ITPR1: variants seen among roughly 807,000 people sequenced by gnomAD.
ITPR1 encodes the protein inositol 1,4,5-trisphosphate-gated calcium channel ITPR1.
A neutral mutation model predicts 318.4 loss-of-function variants in ITPR1; 96 were observed. The observed-to-expected ratio is 0.30, with a 90% CI of 0.26 to 0.36. ITPR1 has a LOEUF of 0.36. Among genes scored for constraint, ITPR1 ranks in the 10% least tolerant of loss-of-function variants. The pLI is 1.00. For synonymous variants in ITPR1, 1,312 were observed against 1,289.9 expected, an observed-to-expected ratio of 1.02 and a Z score of -0.37; for missense variants, 2,440 against 3,460.2, an observed-to-expected ratio of 0.71 and a Z score of 7.40.
At chr3:4,815,952 C>A (rs1349462923) in intron 59 of ITPR1, among the ~76,000 whole-genome samples, 3 of 151,408 alleles carry the variant, frequency 2.0e-5, no homozygotes, top group South Asian at 4.2e-4. Flanking sequence ...ACCCAGAATC[C>A]CCAAATATTA....
At chr3:4,747,746 G>T (rs560812999) in intron 44 of ITPR1, among the ~76,000 whole-genome samples, 3 of 152,312 alleles carry the variant, frequency 2.0e-5, no homozygotes, top group African/African-American at 4.8e-5. Flanking sequence ...CAGGTCTTAG[G>T]AAAGTTAATG....
chr3:4,596,939 T>C (rs73104421), intron 4 of ITPR1, among the ~76,000 whole-genome samples: 2,538 of 152,330 alleles, frequency 0.017, 63 homozygotes, highest in African/African-American at 0.058. Flanking sequence ...TGTGTTGATA[T>C]GTTACCAGGG....
At position 4,568,637 on chromosome 3, in the gene ITPR1, G is replaced by T. The variant is rs543704685; in HGVS notation, c.163+47543G>T. ...GGTAGACAGAGGCACTCCAGCAAAGGTAACGCAGCCTGCAAAATCAAGGAG... is the reference window on the plus strand; with the variant it reads ...GGTAGACAGAGGCACTCCAGCAAAGTTAACGCAGCCTGCAAAATCAAGGAG... On this transcript the variant is annotated intron_variant, in intron 4 of 61. Transcript: ENST00000649015. 2.3e-4 allele frequency among the ~76,000 whole-genome samples: 35 copies of T among 152,248 alleles called. 1 individual carries two copies. In the South Asian group the frequency reaches 6.8e-3, roughly 30 times the overall value.
At chr3:4,537,906 G>T in intron 4 of ITPR1, among the ~76,000 whole-genome samples, 1 of 152,150 alleles carries the variant, frequency 6.6e-6, no homozygotes, top group South Asian at 2.1e-4. Flanking sequence ...TTATTTGTGC[G>T]TTCTTTTTTT....
chr3:4,716,030 A>T (rs1402123475), intron 39 of ITPR1, among the ~76,000 whole-genome samples: 3 of 152,218 alleles, frequency 2.0e-5, no homozygotes, highest in African/African-American at 7.2e-5. Context: ...TATAAAATAA[A>T]TATTAAAATT....
intron 4 of ITPR1, among the ~76,000 whole-genome samples, chr3:4,589,933 T>A (rs539724646): frequency 6.6e-6 from 1 of 152,172 alleles, no homozygotes; most frequent in African/African-American, 2.4e-5. Context: ...CTCCTGGTTC[T>A]TTCAGCTCTA....
intron 41 of ITPR1, 102 bp downstream of exon 41, chr3:4,725,683 C>A: frequency 9.6e-7 from 1 of 1,041,122 alleles, no homozygotes; most frequent in Non-Finnish European, 1.5e-6. Flanking sequence ...AAAGTCTCTC[C>A]CGGTGGTAGA....
chr3:4,804,967 G>A (rs1355731284), intron 54 of ITPR1, among the ~76,000 whole-genome samples: 3 of 152,092 alleles, frequency 2.0e-5, no homozygotes, highest in African/African-American at 7.2e-5. Flanking sequence ...TCCCTCTCTG[G>A]CCTCCTCCTG....
intron 4 of ITPR1, among the ~76,000 whole-genome samples, chr3:4,559,468 A>C (rs555117562): frequency 1.8e-4 from 28 of 152,304 alleles, no homozygotes; most frequent in Non-Finnish European, 3.8e-4. Context: ...TTTTATAAAA[A>C]CTTGTTTTTA....
chr3:4,573,531 A>T (rs1002018872), intron 4 of ITPR1, among the ~76,000 whole-genome samples: 3 of 152,198 alleles, frequency 2.0e-5, no homozygotes, highest in Non-Finnish European at 4.4e-5. Flanking sequence ...AAAACTTTCT[A>T]ATGACTCCCA....
At chr3:4,614,545 A>T (rs566229087) in intron 4 of ITPR1, among the ~76,000 whole-genome samples, 1 of 152,334 alleles carries the variant, frequency 6.6e-6, no homozygotes, top group East Asian at 1.9e-4. Flanking sequence ...ACTTATAGAG[A>T]TTAGATAATT....
chr3:4,644,569 A>AT (rs2093412665), intron 8 of ITPR1, among the ~76,000 whole-genome samples: 1 of 152,198 alleles, frequency 6.6e-6, no homozygotes, highest in Non-Finnish European at 1.5e-5. Flanking sequence ...ATTTGTCTCC[A>AT]TATACAGGGT....
Position 4,627,750 on chromosome 3 carries a change from G to A in ITPR1, c.164-13G>A, listed in dbSNP as rs1398942748. 1.9e-5 allele frequency: 29 copies of A among 1,560,628 alleles called. No homozygotes were observed. The highest frequency in any genetic ancestry group is 2.6e-5 in the Non-Finnish European group (29 of 1,132,618). On this transcript the variant is annotated splice_polypyrimidine_tract_variant and intron_variant, in intron 4 of 61. Coordinates refer to ENST00000649015, the MANE Select transcript of ITPR1 (RefSeq NM_001378452.1). The stretch of plus-strand genomic sequence containing the variant: ...CCTCAATGGCAATTTCTGTTTGTTT[G>A]CTTCACTTCTAGACTGCCTCTTTAA...
intron 44 of ITPR1, among the ~76,000 whole-genome samples, chr3:4,739,094 G>A (rs1345299244): frequency 6.6e-6 from 1 of 152,252 alleles, no homozygotes; most frequent in African/African-American, 2.4e-5. Context: ...AACTAGGGTT[G>A]TGTCTGGGGC....
intron 4 of ITPR1, among the ~76,000 whole-genome samples, chr3:4,603,224 ATTTC>A (rs1414575292): frequency 1.8e-4 from 27 of 151,866 alleles, no homozygotes; most frequent in African/African-American, 6.3e-4. Flanking sequence ...TTTTAAAATT[ATTTC>A]TTTATTTTTA....
chr3:4,840,029 CTTTTTTTTTTTTTTTT>C (rs56096727), intron 61 of ITPR1, among the ~76,000 whole-genome samples: 175 of 104,894 alleles, frequency 1.7e-3, no homozygotes, highest in Middle Eastern at 0.012. Context: ...AGCATAGCTG[CTTTTTTTTTTTTTTTT>C]TTTTTTTTTT....
chr3:4,599,586 C>A (rs59047120), intron 4 of ITPR1, among the ~76,000 whole-genome samples: 1 of 152,180 alleles, frequency 6.6e-6, no homozygotes, highest in Non-Finnish European at 1.5e-5. Flanking sequence ...TGAGTGATGG[C>A]TGTAGGCAGT....
chr3:4,646,382 G>C (rs928466627), intron 10 of ITPR1, among the ~76,000 whole-genome samples: 1 of 152,244 alleles, frequency 6.6e-6, no homozygotes, highest in Non-Finnish European at 1.5e-5. Flanking sequence ...TCAGAAGGAA[G>C]AGATGAATGG....
chr3:4,632,364 TGTAAATTCA>T (rs2093040760), intron 5 of ITPR1, among the ~76,000 whole-genome samples: 2 of 152,150 alleles, frequency 1.3e-5, no homozygotes, highest in African/African-American at 4.8e-5. Context: ...CCACAGGGGT[TGTAAATTCA>T]GATTCCTCTT....
Sources: allele counts gnomAD v4.1 joint callset (sites outside exome capture counted in the v4.1 genomes callset), GRCh38; gene constraint gnomAD v4.1.1; transcripts MANE v1.5; gene names NCBI Gene and HGNC (gene_info 2026-07-23, HGNC 2026-07-21).